SPON1: variants seen among roughly 807,000 people sequenced by gnomAD.
The protein encoded by SPON1 is spondin-1.
In SPON1, 52 loss-of-function variants were observed where a neutral mutation model predicts 111.7. The ratio of observed to expected loss-of-function variants is 0.47; its 90% CI spans 0.37 to 0.59. The LOEUF is 0.59. SPON1 is among the 20% of genes least tolerant of loss of function. The probability of loss-of-function intolerance (pLI) is 0.00; values close to 1 mark genes in which losing one functional copy is unlikely to be tolerated. For missense variants in SPON1, 957 were observed against 1,068.5 expected (o/e 0.90, Z 1.46); for synonymous variants, 410 against 395.8 (o/e 1.04, Z -0.43).
intron 6 of SPON1, among the ~76,000 whole-genome samples, chr11:14,233,251 G>A (rs1315642479): frequency 1.3e-5 from 2 of 152,032 alleles, no homozygotes; most frequent in African/African-American, 2.4e-5. Context: ...AGCAGATAAC[G>A]CTGAGCCGAC....
chr11:14,089,320 G>T (rs1849031378), intron 5 of SPON1, among the ~76,000 whole-genome samples: 2 of 152,064 alleles, frequency 1.3e-5, no homozygotes. Context: ...TTTTTTGTGT[G>T]GGGGTCCTTT....
intron 5 of SPON1, among the ~76,000 whole-genome samples, chr11:14,109,491 G>A (rs987839833): frequency 1.1e-4 from 16 of 152,032 alleles, no homozygotes; most frequent in Non-Finnish European, 1.9e-4. Flanking sequence ...TTGAAACTAC[G>A]GTTCTTGCAA....
chr11:14,043,290 G>A (rs1198684858), intron 3 of SPON1, among the ~76,000 whole-genome samples: 5 of 152,180 alleles, frequency 3.3e-5, no homozygotes, highest in Admixed American at 3.3e-4. Flanking sequence ...TTGGCATGAG[G>A]AAGCTGGAGG....
rs116141025 is a variant in SPON1, at chr11:13,974,229, C to T, written c.239-8618C>T. Among the ~76,000 whole-genome samples the T allele has an allele frequency of 9.1e-3, 1,389 of 152,268 alleles. 19 individuals are homozygous for T. The highest frequency in any genetic ancestry group is 0.032 in the African/African-American group (1,315 of 41,540). On this transcript the variant is annotated intron_variant, in intron 1 of 15. Transcript: ENST00000576479. ...AATGTCCCAACAGTCTTTATAACTC[C>T]ATGTTATAAGTTAAAGCAGAAGCTG...
chr11:14,260,700 A>G lies in SPON1; in HGVS notation c.1944A>G (p.Gly648=). The G allele has an allele frequency of 6.2e-7, 1 of 1,613,992 alleles. No individual in the cohort carries two copies. Among genetic ancestry groups the G allele is most frequent in the Non-Finnish European group, 8.5e-7 (1 of 1,179,880 alleles). The change falls in exon 14 of 16, where the codon GGA becomes GGG. Residue 648 remains glycine, a synonymous_variant. Transcript: ENST00000576479. ...TGCTCAAGTCTCTGGCAGAACTTGG[A>G]GACTGCAATGAGGATCTGGAGCAGG... The part of the protein sequence containing the change: ...QRMLKSLAEL[G]DCNEDLEQVE...
At chr11:14,175,605 A>G (rs1848166179) in intron 6 of SPON1, among the ~76,000 whole-genome samples, 1 of 152,178 alleles carries the variant, frequency 6.6e-6, no homozygotes, top group Non-Finnish European at 1.5e-5. Flanking sequence ...TCTATTAATC[A>G]AACCCTTGCA....
intron 5 of SPON1, among the ~76,000 whole-genome samples, chr11:14,134,572 C>A (rs1222170089): frequency 2.0e-5 from 3 of 152,340 alleles, no homozygotes; most frequent in Non-Finnish European, 4.4e-5. Flanking sequence ...ATATAGCTAA[C>A]CTGCCTGCCC....
intron 6 of SPON1, among the ~76,000 whole-genome samples, chr11:14,148,421 G>A (rs572411361): frequency 6.6e-6 from 1 of 152,066 alleles, no homozygotes; most frequent in Admixed American, 6.6e-5. Flanking sequence ...TTTGGAATGT[G>A]GTACCATGTT....
intron 6 of SPON1, among the ~76,000 whole-genome samples, chr11:14,231,544 T>C (rs1406818184): frequency 1.3e-5 from 2 of 152,228 alleles, no homozygotes; most frequent in Non-Finnish European, 2.9e-5. Context: ...CCTGGTTACC[T>C]AGTTCCCTTC....
intron 4 of SPON1, among the ~76,000 whole-genome samples, chr11:14,076,246 T>C (rs1382457448): frequency 6.6e-6 from 1 of 152,222 alleles, no homozygotes; most frequent in Non-Finnish European, 1.5e-5. Context: ...AAATGCTCTA[T>C]ATTTATACAG....
chr11:14,004,263 A>G (rs1457646266), intron 2 of SPON1, among the ~76,000 whole-genome samples: 1 of 152,158 alleles, frequency 6.6e-6, no homozygotes, highest in Non-Finnish European at 1.5e-5. Flanking sequence ...GGTCGTTTCC[A>G]TATCCTGGCT....
intron 2 of SPON1, among the ~76,000 whole-genome samples, chr11:13,984,813 G>T (rs561195031): frequency 6.6e-6 from 1 of 152,194 alleles, no homozygotes; most frequent in Non-Finnish European, 1.5e-5. Context: ...CCTGCTCATA[G>T]TGGGCAGCGC....
At chr11:14,147,077 T>A (rs1195887687) in intron 6 of SPON1, among the ~76,000 whole-genome samples, 1 of 122,196 alleles carries the variant, frequency 8.2e-6, no homozygotes, top group African/African-American at 3.1e-5. Context: ...TTGCCCAGGC[T>A]GGAGTGCAGT....
At chr11:14,167,452 A>C (rs2133879340) in intron 6 of SPON1, among the ~76,000 whole-genome samples, 1 of 152,132 alleles carries the variant, frequency 6.6e-6, no homozygotes. Flanking sequence ...AGGCCAGCTG[A>C]ATTTGTCTCT....
chr11:14,014,858 A>G (rs1848433565), intron 2 of SPON1, among the ~76,000 whole-genome samples: 1 of 152,242 alleles, frequency 6.6e-6, no homozygotes, highest in Non-Finnish European at 1.5e-5. Context: ...ATGCTATAAT[A>G]CAAAGATACA....
At chr11:14,087,042 T>C (rs1387972528) in intron 5 of SPON1, among the ~76,000 whole-genome samples, 1 of 152,192 alleles carries the variant, frequency 6.6e-6, no homozygotes, top group Non-Finnish European at 1.5e-5. Context: ...TCTTTTCTTC[T>C]TTATTAGTCT....
At chr11:14,128,682 G>A (rs1847491750) in intron 5 of SPON1, among the ~76,000 whole-genome samples, 1 of 152,224 alleles carries the variant, frequency 6.6e-6, no homozygotes, top group African/African-American at 2.4e-5. Flanking sequence ...TGTGTGGTGA[G>A]TCTTCAGCCC....
Position 14,007,789 on chromosome 11 carries a change from C to T in SPON1, c.345+24836C>T, listed in dbSNP as rs150690109. ...GGGCTGGGGACTCCTGCTCTAGGGA[C>T]GATTTGTTCCTTGCCTCTTGCGGCT... On this transcript the variant is annotated intron_variant, in intron 2 of 15. Coordinates refer to ENST00000576479, the MANE Select transcript of SPON1 (RefSeq NM_006108.4). Among the ~76,000 whole-genome samples, 4 of 152,254 alleles carry T rather than the reference C, an allele frequency of 2.6e-5. No individual in the cohort carries two copies. The East Asian group carries it at 5.8e-4, about 22-fold the overall frequency.
At chr11:14,235,494 C>A (rs1229776258) in intron 6 of SPON1, among the ~76,000 whole-genome samples, 1 of 151,768 alleles carries the variant, frequency 6.6e-6, no homozygotes, top group Admixed American at 6.6e-5. Context: ...GCCTGAGCAA[C>A]AAAGCAAGAC....
Sources: gnomAD v4.1 joint callset for allele counts (sites outside exome capture counted in the v4.1 genomes callset) on GRCh38, gnomAD v4.1.1 for gene constraint, MANE v1.5 for transcripts, NCBI Gene and HGNC (gene_info 2026-07-23, HGNC 2026-07-21) for gene names.